The following CCSER2 variants were observed in gnomAD, a reference collection of about 807,000 sequenced individuals.
CCSER2 encodes coiled-coil serine rich protein 2.
In CCSER2, 46 loss-of-function variants were observed where a neutral mutation model predicts 92.3. That is an observed-to-expected ratio of 0.50 (90% confidence interval 0.39 to 0.64). The LOEUF is 0.64. CCSER2 is among the 30% of genes least tolerant of loss of function. The pLI is 0.00. For synonymous variants in CCSER2, 433 were observed against 431.4 expected (o/e 1.00, Z -0.04); for missense variants, 1,244 against 1,238.9 (o/e 1.00, Z -0.06).
At chr10:84,388,428 C>G (rs1841344446) in intron 3 of CCSER2, among the ~76,000 whole-genome samples, 1 of 152,150 alleles carries the variant, frequency 6.6e-6, no homozygotes, top group South Asian at 2.1e-4. Context: ...TTTCCACATT[C>G]ATTCATACTC....
At chr10:84,476,194 A>T (rs535089633) in intron 8 of CCSER2, among the ~76,000 whole-genome samples, 1 of 152,294 alleles carries the variant, frequency 6.6e-6, no homozygotes, top group South Asian at 2.1e-4. Flanking sequence ...ATATGTCTCT[A>T]TGATAGACAT....
chr10:84,346,579 T>C (rs1467591121), intron 1 of CCSER2, among the ~76,000 whole-genome samples: 1 of 151,944 alleles, frequency 6.6e-6, no homozygotes, highest in African/African-American at 2.4e-5. Context: ...CACATGATCA[T>C]GCTAATTTGG....
intron 2 of CCSER2, among the ~76,000 whole-genome samples, 171 bp from the exon 3 acceptor site, chr10:84,373,448 A>G (rs1219116310): frequency 6.6e-6 from 1 of 152,076 alleles, no homozygotes; most frequent in Non-Finnish European, 1.5e-5. Context: ...TATTTTAAAG[A>G]TTTTGGCTCT....
chr10:84,491,155 G>A (rs1356061732), intron 9 of CCSER2, among the ~76,000 whole-genome samples: 3 of 152,224 alleles, frequency 2.0e-5, no homozygotes, highest in African/African-American at 7.2e-5. Context: ...CCCCTACTGG[G>A]GGGTGCCTCC....
chr10:84,364,834 C>T (rs1160462277), intron 1 of CCSER2, among the ~76,000 whole-genome samples: 1 of 151,096 alleles, frequency 6.6e-6, no homozygotes, highest in Non-Finnish European at 1.5e-5. Context: ...CTCTGCCTCC[C>T]GAGTTCAAGT....
intron 1 of CCSER2, among the ~76,000 whole-genome samples, chr10:84,347,776 C>T (rs566121661): frequency 1.2e-4 from 18 of 150,570 alleles, no homozygotes; most frequent in South Asian, 2.1e-4. Context: ...CCTTCTCAGA[C>T]GGGGCGGCTG....
At chr10:84,384,249 G>A (rs1037423529) in intron 3 of CCSER2, among the ~76,000 whole-genome samples, 4 of 152,066 alleles carry the variant, frequency 2.6e-5, no homozygotes, top group East Asian at 3.8e-4. Flanking sequence ...TGGAGGAGGC[G>A]GAGGAATTCC....
chr10:84,495,955 C>A (rs545804439), intron 9 of CCSER2, among the ~76,000 whole-genome samples: 1 of 145,546 alleles, frequency 6.9e-6, no homozygotes, highest in East Asian at 2.1e-4. Flanking sequence ...TGTAAGTCTG[C>A]CATTTTATTT....
chr10:84,471,753 A>G (rs984163718), intron 8 of CCSER2, among the ~76,000 whole-genome samples: 6 of 152,160 alleles, frequency 3.9e-5, no homozygotes, highest in Admixed American at 6.5e-5. Flanking sequence ...TGTAAATTAC[A>G]TATCATTCTA....
At chr10:84,440,311 A>C (rs1234859867) in intron 6 of CCSER2, among the ~76,000 whole-genome samples, 1 of 152,186 alleles carries the variant, frequency 6.6e-6, no homozygotes, top group African/African-American at 2.4e-5. Context: ...TATGAGAAGA[A>C]AATTGCAAAA....
intron 5 of CCSER2, among the ~76,000 whole-genome samples, chr10:84,433,925 C>T (rs111748990): frequency 1.1e-4 from 16 of 152,268 alleles, no homozygotes; most frequent in African/African-American, 3.9e-4. Flanking sequence ...TTCATATTTA[C>T]CTGCCTGCCT....
chr10:84,420,932 CAA>C (rs59244448), intron 4 of CCSER2, among the ~76,000 whole-genome samples: 18 of 84,754 alleles, frequency 2.1e-4, no homozygotes, highest in Middle Eastern at 9.1e-3. Flanking sequence ...GACTCCATCT[CAA>C]AAAAAAAAAA....
intron 6 of CCSER2, among the ~76,000 whole-genome samples, chr10:84,440,327 G>T (rs4934014): frequency 0.21 from 31,869 of 151,846 alleles, 3,595 homozygotes; most frequent in Admixed American, 0.34. Context: ...CAAAATCTTT[G>T]TAGGTCATCT....
At chr10:84,355,121 C>T (rs565587681) in intron 1 of CCSER2, among the ~76,000 whole-genome samples, 9 of 152,060 alleles carry the variant, frequency 5.9e-5, no homozygotes, top group South Asian at 4.1e-4. Context: ...CCATCTCCTG[C>T]GTACTTAAAT....
At chr10:84,443,484 A>C (rs1175949343) in intron 6 of CCSER2, among the ~76,000 whole-genome samples, 3 of 152,240 alleles carry the variant, frequency 2.0e-5, no homozygotes, top group African/African-American at 7.2e-5. Flanking sequence ...ATTAAAAGTC[A>C]GGAGACAACA....
chr10:84,437,220 A>G lies in CCSER2; in HGVS notation c.1869-1292A>G, dbSNP rs1037603771. Among the ~76,000 whole-genome samples the G allele has an allele frequency of 3.9e-5, 6 of 152,008 alleles. No homozygotes were observed. The South Asian group carries it at 1.2e-3, about 32-fold the overall frequency. On this transcript the variant is annotated intron_variant, in intron 5 of 9. Coordinates refer to ENST00000372088, the MANE Select transcript of CCSER2 (RefSeq NM_001284240.2). Reference sequence around the variant, plus strand: ...AGACAGACAGCGAGGGCGATTTCACATATATTAGAAGTTCTCGGCCGGGCA... The same window carrying G: ...AGACAGACAGCGAGGGCGATTTCACGTATATTAGAAGTTCTCGGCCGGGCA...
At chr10:84,346,311 A>G (rs1340770583) in intron 1 of CCSER2, among the ~76,000 whole-genome samples, 2 of 151,872 alleles carry the variant, frequency 1.3e-5, no homozygotes, top group Non-Finnish European at 2.9e-5. Flanking sequence ...TGATCCGCCT[A>G]CCTTGGCCTC....
intron 1 of CCSER2, among the ~76,000 whole-genome samples, chr10:84,367,809 G>A (rs2133150435): frequency 6.6e-6 from 1 of 150,866 alleles, no homozygotes; most frequent in East Asian, 1.9e-4. Flanking sequence ...TCATCTTTGG[G>A]CTTTTGTTTC....
rs1023778548 is a variant in CCSER2, at chr10:84,390,905, G to T, written c.1614+17090G>T. ...ACCTTAACATGTATCTGGTTTTGCT[G>T]CCTAGAAGAGGAGGCTTGTACAGCA... On this transcript the variant is annotated intron_variant, in intron 3 of 9. Transcript: ENST00000372088. The T allele has an allele frequency of 5.5e-6, 4 of 727,324 alleles. No homozygotes were observed. In the African/African-American group the frequency reaches 7.0e-5, roughly 13 times the overall value. The allele number at this position is 727,324 out of a possible 1,614,324, so 45.1% of individuals were successfully genotyped here. A position where few individuals can be genotyped will look rare whatever the true frequency, so the allele number is the denominator to read the frequency against.
Sources: allele counts gnomAD v4.1 joint callset (sites outside exome capture counted in the v4.1 genomes callset), GRCh38; gene constraint gnomAD v4.1.1; transcripts MANE v1.5; gene names NCBI Gene and HGNC (gene_info 2026-07-23, HGNC 2026-07-21).